Variants in GNAQ observed in about 807,000 individuals in gnomAD.
The protein encoded by GNAQ is G protein subunit alpha q.
Under a neutral mutation model 43.9 loss-of-function variants are expected in GNAQ, and 8 were observed. That is an observed-to-expected ratio of 0.18 (90% CI 0.11 to 0.33). GNAQ has a LOEUF of 0.33. Ranked by LOEUF, GNAQ falls within the 10% of genes least tolerant of loss-of-function variation. The probability of loss-of-function intolerance (pLI) is 1.00; values close to 1 mark genes in which losing one functional copy is unlikely to be tolerated. For synonymous variants in GNAQ, 155 were observed against 170.7 expected, an observed-to-expected ratio of 0.91 and a Z score of 0.71; for missense variants, 158 against 450.8, an observed-to-expected ratio of 0.35 and a Z score of 5.88.
At chr9:77,847,683 A>G (rs566067802) in intron 2 of GNAQ, among the ~76,000 whole-genome samples, 17 of 152,224 alleles carry the variant, frequency 1.1e-4, no homozygotes, top group Non-Finnish European at 2.5e-4. Flanking sequence ...AACTGGCTAC[A>G]AATATCTATG....
intron 5 of GNAQ, among the ~76,000 whole-genome samples, chr9:77,746,376 G>C (rs1825729648): frequency 6.6e-6 from 1 of 152,128 alleles, no homozygotes; most frequent in African/African-American, 2.4e-5. Flanking sequence ...GATGACAAAT[G>C]TATAAAATGC....
chr9:77,889,410 C>CAAAAAAAAAAAAAAAAAAAAAAAAAA (rs58496646), intron 2 of GNAQ, among the ~76,000 whole-genome samples: 4 of 48,050 alleles, frequency 8.3e-5, no homozygotes, highest in African/African-American at 1.8e-4. Context: ...GACCCTGTCT[C>CAAAAAAAAAAAAAAAAAAAAAAAAAA]AAAAAAAAAA....
chr9:77,788,463 T>G (rs1353568038), intron 5 of GNAQ, among the ~76,000 whole-genome samples: 1 of 152,196 alleles, frequency 6.6e-6, no homozygotes, highest in African/African-American at 2.4e-5. Flanking sequence ...GAATCCAGTA[T>G]TGCTCAGTGA....
At chr9:78,013,465 C>T (rs1253812297) in intron 1 of GNAQ, among the ~76,000 whole-genome samples, 1 of 151,460 alleles carries the variant, frequency 6.6e-6, no homozygotes, top group African/African-American at 2.4e-5. Flanking sequence ...CCTCCCCGCT[C>T]CCCCCACCCC....
intron 5 of GNAQ, among the ~76,000 whole-genome samples, chr9:77,757,234 A>T (rs1257932378): frequency 6.6e-6 from 1 of 152,232 alleles, no homozygotes; most frequent in East Asian, 1.9e-4. Flanking sequence ...ATAAGAATCT[A>T]TCCCCATAAG....
At chr9:77,838,165 A>G (rs1387425750) in intron 2 of GNAQ, among the ~76,000 whole-genome samples, 1 of 135,296 alleles carries the variant, frequency 7.4e-6, no homozygotes, top group Non-Finnish European at 1.5e-5. Flanking sequence ...TTTTTTGAGA[A>G]GGAGTCTCAC....
chr9:77,931,443 T>C (rs746139637), intron 1 of GNAQ, among the ~76,000 whole-genome samples: 50 of 151,812 alleles, frequency 3.3e-4, no homozygotes, highest in Non-Finnish European at 4.9e-4. Flanking sequence ...ATACAAAAAT[T>C]AGCCAGGCAT....
chr9:77,735,650 A>G (rs1449820153), intron 5 of GNAQ, among the ~76,000 whole-genome samples: 1 of 152,216 alleles, frequency 6.6e-6, no homozygotes, highest in African/African-American at 2.4e-5. Flanking sequence ...AGAATTCAAA[A>G]CACATTCTGG....
intron 2 of GNAQ, among the ~76,000 whole-genome samples, chr9:77,846,190 G>A (rs1451709905): frequency 6.6e-6 from 1 of 152,166 alleles, no homozygotes; most frequent in African/African-American, 2.4e-5. Flanking sequence ...TAAAAATGAG[G>A]AAATTTCCCT....
At chr9:77,866,442 A>G (rs1827947725) in intron 2 of GNAQ, among the ~76,000 whole-genome samples, 1 of 152,244 alleles carries the variant, frequency 6.6e-6, no homozygotes, top group Non-Finnish European at 1.5e-5. Context: ...TGTCTCAAAA[A>G]ATAAATAAAT....
Position 77,932,940 on chromosome 9 carries a change from T to A in GNAQ, c.137-10595A>T, listed in dbSNP as rs1448917885. 2.6e-5 allele frequency among the ~76,000 whole-genome samples: 4 copies of A among 151,354 alleles called. No individual in the cohort carries two copies. In the South Asian group the frequency reaches 8.3e-4, roughly 31 times the overall value. ...AGGGATAGTTTGGAGATGGATGAAG[T>A]GAAAAAGGGAGGAGATGACATAGGG... On this transcript the variant is annotated intron_variant, in intron 1 of 6. Transcript: ENST00000286548.
intron 5 of GNAQ, among the ~76,000 whole-genome samples, chr9:77,761,280 G>A (rs1826011356): frequency 8.4e-6 from 1 of 118,362 alleles, no homozygotes; most frequent in South Asian, 2.7e-4. Flanking sequence ...AGGTGGGGGG[G>A]TCAGCCCCCC....
chr9:77,831,241 G>T (rs1827293418), intron 2 of GNAQ, among the ~76,000 whole-genome samples: 1 of 152,136 alleles, frequency 6.6e-6, no homozygotes. Context: ...GAATTAAAAT[G>T]TTTTATATCA....
intron 1 of GNAQ, among the ~76,000 whole-genome samples, chr9:78,028,587 T>C (rs1385783485): frequency 6.6e-6 from 1 of 152,252 alleles, no homozygotes; most frequent in Non-Finnish European, 1.5e-5. Flanking sequence ...CAATTTTACA[T>C]TGATTTTCAT....
chr9:77,849,967 C>T (rs1387649893), intron 2 of GNAQ, among the ~76,000 whole-genome samples: 2 of 152,206 alleles, frequency 1.3e-5, no homozygotes, highest in African/African-American at 2.4e-5. Context: ...TAATGCTGTA[C>T]TGACCACTCT....
intron 2 of GNAQ, among the ~76,000 whole-genome samples, chr9:77,883,285 C>T (rs1352642617): frequency 6.6e-6 from 1 of 152,070 alleles, no homozygotes; most frequent in Non-Finnish European, 1.5e-5. Flanking sequence ...TGACACTGTG[C>T]CCTATATGAG....
intron 5 of GNAQ, among the ~76,000 whole-genome samples, chr9:77,729,952 G>A (rs1825462648): frequency 6.6e-6 from 1 of 152,284 alleles, no homozygotes; most frequent in East Asian, 1.9e-4. Context: ...CAATTAACTT[G>A]AGCACTTTTG....
intron 1 of GNAQ, among the ~76,000 whole-genome samples, chr9:77,949,385 G>C (rs1054837889): frequency 1.3e-5 from 2 of 152,202 alleles, no homozygotes; most frequent in Non-Finnish European, 2.9e-5. Context: ...TCCACAATGG[G>C]AACCAAAGCA....
intron 1 of GNAQ, among the ~76,000 whole-genome samples, chr9:78,013,982 G>T (rs1183125773): frequency 1.3e-5 from 2 of 151,852 alleles, no homozygotes; most frequent in African/African-American, 4.8e-5. Flanking sequence ...TGCAGGGGAG[G>T]GACATATAAT....
Sources: allele counts gnomAD v4.1 joint callset (sites outside exome capture counted in the v4.1 genomes callset), GRCh38; gene constraint gnomAD v4.1.1; transcripts MANE v1.5; gene names NCBI Gene and HGNC (gene_info 2026-07-23, HGNC 2026-07-21).